NAALADL2: variants seen among roughly 807,000 people sequenced by gnomAD.
The protein encoded by NAALADL2 is N-acetylated alpha-linked acidic dipeptidase like 2.
Under a neutral mutation model 87.2 loss-of-function variants are expected in NAALADL2, and 76 were observed. The ratio of observed to expected loss-of-function variants is 0.87; its 90% confidence interval spans 0.72 to 1.05. The LOEUF is 1.05. NAALADL2 is among the 50% of genes least tolerant of loss of function. The pLI, the probability that NAALADL2 is intolerant of heterozygous loss-of-function variation, is 0.00. For missense variants in NAALADL2, 1,089 were observed against 945.8 expected (o/e 1.15, Z -1.99); for synonymous variants, 354 against 331.0 (o/e 1.07, Z -0.75).
intron 1 of NAALADL2, among the ~76,000 whole-genome samples, chr3:175,020,219 T>C (rs1458938356): frequency 1.3e-5 from 2 of 152,078 alleles, no homozygotes; most frequent in African/African-American, 4.8e-5. Context: ...TAGGTCTTGG[T>C]TCTTGATGCT....
chr3:174,460,815 G>C (rs897561939), intron 1 of NAALADL2, among the ~76,000 whole-genome samples: 1 of 151,866 alleles, frequency 6.6e-6, no homozygotes, highest in Non-Finnish European at 1.5e-5. Context: ...AGTTTGTTTT[G>C]TTGAGGCTTT....
chr3:174,987,812 T>TATATATATATAATTTTATATA (rs1553911297), intron 1 of NAALADL2, among the ~76,000 whole-genome samples: 6 of 120,078 alleles, frequency 5.0e-5, no homozygotes, highest in African/African-American at 2.3e-4. Flanking sequence ...ATATATATAA[T>TATATATATATAATTTTATATA]TATATATATA....
At chr3:174,809,622 C>CA (rs953382300) in intron 3 of NAALADL2, among the ~76,000 whole-genome samples, 2 of 148,422 alleles carry the variant, frequency 1.3e-5, no homozygotes, top group Admixed American at 6.7e-5. Context: ...TATATAACTT[C>CA]AAAAAAACAC....
chr3:175,096,847 A>C lies in NAALADL2; in HGVS notation c.101A>C (p.Gln34Pro). The C allele has an allele frequency of 6.2e-7, 1 of 1,611,120 alleles. No homozygotes were observed. Among genetic ancestry groups the C allele is most frequent in the Non-Finnish European group, 8.5e-7 (1 of 1,178,428 alleles). ...GATCAAAGAGCTCCAGGACACTCAC[A>C]GTACTTAGACAATGATGACCTTCAA... ...HADQRAPGHS[Q>P]YLDNDDLQAT... The change falls in exon 2 of 14, where the codon CAG (glutamine) becomes CCG (proline). Residue 34 changes from glutamine to proline, a missense_variant. By Grantham distance (76) the Gln-to-Pro change is moderately conservative (BLOSUM62 -1). Coordinates refer to ENST00000454872, the MANE Select transcript of NAALADL2 (RefSeq NM_207015.3).
intron 1 of NAALADL2, among the ~76,000 whole-genome samples, chr3:174,996,267 G>A (rs1319493601): frequency 1.3e-5 from 2 of 152,130 alleles, no homozygotes; most frequent in East Asian, 3.9e-4. Context: ...GGAGGCTGAG[G>A]CAGGCAGATC....
chr3:174,827,033 TTA>T (rs1165837704), intron 3 of NAALADL2, among the ~76,000 whole-genome samples: 2 of 152,172 alleles, frequency 1.3e-5, no homozygotes, highest in African/African-American at 4.8e-5. Context: ...AGCCTAAAAT[TTA>T]TATGTTTATT....
intron 3 of NAALADL2, among the ~76,000 whole-genome samples, chr3:174,768,582 G>A (rs1032419331): frequency 1.3e-5 from 2 of 152,142 alleles, no homozygotes; most frequent in Admixed American, 6.5e-5. Context: ...GATACATTTA[G>A]TAGTTTTAAA....
chr3:175,511,327 T>C (rs1321244134), intron 9 of NAALADL2, among the ~76,000 whole-genome samples: 2 of 152,142 alleles, frequency 1.3e-5, no homozygotes, highest in African/African-American at 4.8e-5. Flanking sequence ...GATAGGACCT[T>C]TGTAAAGAGC....
chr3:174,524,782 C>T (rs781065907), intron 1 of NAALADL2, among the ~76,000 whole-genome samples: 1 of 151,954 alleles, frequency 6.6e-6, no homozygotes, highest in Admixed American at 6.6e-5. Context: ...AGGCTGATCT[C>T]TCCTGCCTCA....
rs35258764 is a variant in NAALADL2 at position 175,161,323 on chromosome 3, G to GA, written c.545+64042dup. Among the ~76,000 whole-genome samples, 1,166 of 144,836 alleles carry GA rather than the reference G, an allele frequency of 8.1e-3. 2 individuals carry two copies. Among genetic ancestry groups the GA allele is most frequent in the South Asian group, 0.025 (112 of 4,534 alleles). ...AAGTCAATGTGAAGACTGCAAAACA[G>GA]AAAAAAAAAAGATTGAAAGATGGGT... On this transcript the variant is annotated intron_variant, in intron 2 of 13. Transcript: ENST00000454872.
At chr3:175,552,270 G>A (rs1316633415) in intron 9 of NAALADL2, among the ~76,000 whole-genome samples, 5 of 152,088 alleles carry the variant, frequency 3.3e-5, no homozygotes. Flanking sequence ...TCCTTTATTA[G>A]AGGTGTCTAA....
chr3:174,449,808 T>C (rs1267557449), intron 1 of NAALADL2, among the ~76,000 whole-genome samples: 2 of 152,194 alleles, frequency 1.3e-5, no homozygotes, highest in Non-Finnish European at 2.9e-5. Flanking sequence ...TTAGTCCTTC[T>C]CTATTCTTTT....
At chr3:174,668,469 G>A (rs552855536) in intron 2 of NAALADL2, among the ~76,000 whole-genome samples, 26 of 152,128 alleles carry the variant, frequency 1.7e-4, no homozygotes, top group Admixed American at 2.6e-4. Flanking sequence ...TGTGCACAAC[G>A]TGCAGGTTAG....
intron 1 of NAALADL2, among the ~76,000 whole-genome samples, chr3:174,912,314 T>C (rs1221435449): frequency 2.0e-5 from 3 of 151,640 alleles, no homozygotes; most frequent in African/African-American, 7.3e-5. Context: ...TTAAATTTTT[T>C]TTTTTCTTTG....
chr3:175,276,408 T>C (rs1248185249), intron 4 of NAALADL2, among the ~76,000 whole-genome samples: 3 of 151,410 alleles, frequency 2.0e-5, no homozygotes, highest in Admixed American at 6.6e-5. Flanking sequence ...CAAACGATTC[T>C]CTTGCCTGCC....
At chr3:175,755,458 A>T in intron 13 of NAALADL2, 40 bp downstream of exon 13, 8 of 1,436,032 alleles carry the variant, frequency 5.6e-6, no homozygotes, top group Non-Finnish European at 7.5e-6. Flanking sequence ...TTTGCCCTAC[A>T]TTAAATGTTT....
chr3:175,188,076 C>T (rs1407923583), intron 2 of NAALADL2, among the ~76,000 whole-genome samples: 1 of 152,130 alleles, frequency 6.6e-6, no homozygotes, highest in Non-Finnish European at 1.5e-5. Context: ...ATGCTCCACA[C>T]ATCCAAAGCT....
intron 1 of NAALADL2, among the ~76,000 whole-genome samples, chr3:174,502,137 T>C (rs574796310): frequency 7.9e-5 from 12 of 152,330 alleles, no homozygotes; most frequent in African/African-American, 2.2e-4. Context: ...TAGAAGACTT[T>C]AATGCATGCT....
chr3:174,764,592 G>C (rs1713522852), intron 3 of NAALADL2, among the ~76,000 whole-genome samples: 1 of 152,158 alleles, frequency 6.6e-6, no homozygotes, highest in Non-Finnish European at 1.5e-5. Flanking sequence ...CCTGGCTACA[G>C]AGCGACACTC....
Sources: gnomAD v4.1 joint callset for allele counts (sites outside exome capture counted in the v4.1 genomes callset) on GRCh38, gnomAD v4.1.1 for gene constraint, MANE v1.5 for transcripts, NCBI Gene and HGNC (gene_info 2026-07-23, HGNC 2026-07-21) for gene names.